The following DMXL1 variants were observed in gnomAD, a reference collection of about 807,000 sequenced individuals.
The protein encoded by DMXL1 is Dmx like 1.
DMXL1 carries 99 observed loss-of-function variants against 319.2 expected under a neutral mutation model. The observed-to-expected ratio is 0.31, with a 90% CI of 0.26 to 0.37. DMXL1 has a LOEUF of 0.37. Ranked by LOEUF, DMXL1 falls within the 10% of genes least tolerant of loss-of-function variation. The pLI is 1.00. For synonymous variants in DMXL1, 1,385 were observed against 1,235.2 expected (o/e 1.12, Z -2.54); for missense variants, 3,745 against 3,595.6 (o/e 1.04, Z -1.06).
chr5:119,232,122 A>G (rs1786859158), intron 38 of DMXL1, among the ~76,000 whole-genome samples: 1 of 152,142 alleles, frequency 6.6e-6, no homozygotes, highest in Non-Finnish European at 1.5e-5. Flanking sequence ...CTAGTACTAT[A>G]GGTGTGTGCC....
intron 10 of DMXL1, chr5:119,132,699 G>A (rs1765199284): frequency 4.3e-6 from 2 of 462,286 alleles, no homozygotes; most frequent in Admixed American, 5.5e-5. Flanking sequence ...AATGGAGCAA[G>A]TCCCTTTTCT....
At chr5:119,106,736 T>G (rs917181589) in intron 4 of DMXL1, among the ~76,000 whole-genome samples, 5 of 152,196 alleles carry the variant, frequency 3.3e-5, no homozygotes, top group African/African-American at 1.2e-4. Flanking sequence ...AGAGGTTGTA[T>G]TCTCATTAGT....
At position 119,143,919 on chromosome 5, in the gene DMXL1, A is replaced by G; in HGVS notation, c.2455A>G (p.Ile819Val). 1 of 1,572,776 alleles carries G rather than the reference A, an allele frequency of 6.4e-7. No individual in the cohort carries two copies. The highest frequency in any genetic ancestry group is 8.6e-7 in the Non-Finnish European group (1 of 1,160,550). ...RPGCIIALDP[I>V]TKLHGRKTQL... ...AGGATGCATTATTGCATTAGATCCC[A>G]TTACCAAACTTGTAAGTATTAATTT... Residue 819 changes from isoleucine (I) to valine (V), a missense_variant, in exon 14 of 44, where the codon ATT (isoleucine) becomes GTT (valine). Physicochemically the swap from Ile to Val is conservative, Grantham distance 29. Coordinates refer to ENST00000539542, the MANE Select transcript of DMXL1 (RefSeq NM_001290321.3).
At chr5:119,234,644 G>T (rs1324141226) in intron 39 of DMXL1, among the ~76,000 whole-genome samples, 2 of 152,126 alleles carry the variant, frequency 1.3e-5, no homozygotes, top group South Asian at 4.1e-4. Context: ...ACAGATGCCT[G>T]TATAATTCTA....
chr5:119,206,233 T>G (rs543011621), intron 33 of DMXL1, among the ~76,000 whole-genome samples: 60 of 152,208 alleles, frequency 3.9e-4, no homozygotes, highest in African/African-American at 1.2e-3. Context: ...TTTCTGTTTT[T>G]TTTTGTTTTG....
rs1781793262 is a variant in DMXL1, at chr5:119,206,630, G to A, written c.7864-204G>A. The A allele has an allele frequency of 1.0e-5, 4 of 393,206 alleles. No individual in the cohort carries two copies. In the East Asian group the frequency reaches 1.2e-4, roughly 12 times the overall value. The allele number at this position is 393,206 out of a possible 1,614,324, so 24.4% of individuals were successfully genotyped here. On this transcript the variant is annotated intron_variant, in intron 33 of 43. Coordinates refer to ENST00000539542, the MANE Select transcript of DMXL1 (RefSeq NM_001290321.3). Reference sequence around the variant, plus strand: ...TATAGTGGTAGTTAATGAGTTCTGAGGGATTAAGTTTTGCTCATTTCCTAA... The same window carrying A: ...TATAGTGGTAGTTAATGAGTTCTGAAGGATTAAGTTTTGCTCATTTCCTAA...
chr5:119,104,180 G>A (rs1263447725), intron 3 of DMXL1: 2 of 152,144 alleles, frequency 1.3e-5, no homozygotes. Flanking sequence ...AACTACCATT[G>A]GATACATGTG....
intron 37 of DMXL1, among the ~76,000 whole-genome samples, chr5:119,222,307 T>C (rs1784785218): frequency 1.3e-5 from 2 of 152,190 alleles, no homozygotes; most frequent in African/African-American, 4.8e-5. Flanking sequence ...TAAAGCCCTC[T>C]GTTCTCCTTA....
At chr5:119,087,524 A>G (rs1252868179) in intron 1 of DMXL1, among the ~76,000 whole-genome samples, 2 of 152,090 alleles carry the variant, frequency 1.3e-5, no homozygotes, top group Non-Finnish European at 2.9e-5. Flanking sequence ...AAGGTACTTG[A>G]TATAATTTCT....
intron 1 of DMXL1, among the ~76,000 whole-genome samples, chr5:119,086,151 G>A (rs907245651): frequency 6.6e-6 from 1 of 152,174 alleles, no homozygotes; most frequent in Admixed American, 6.5e-5. Context: ...GCAATGGCAA[G>A]AGAGAGAATG....
At chr5:119,121,588 A>C (rs1191437909) in intron 9 of DMXL1, among the ~76,000 whole-genome samples, 4 of 152,114 alleles carry the variant, frequency 2.6e-5, no homozygotes, top group African/African-American at 7.2e-5. Context: ...CAGAGAGCAC[A>C]GGGTTGGGGG....
At chr5:119,179,868 T>C (rs1215095161) in intron 28 of DMXL1, among the ~76,000 whole-genome samples, 1 of 152,182 alleles carries the variant, frequency 6.6e-6, no homozygotes, top group African/African-American at 2.4e-5. Flanking sequence ...GTATAATACT[T>C]ACCATGAGGC....
chr5:119,156,955 G>A (rs1771223982), intron 19 of DMXL1, among the ~76,000 whole-genome samples: 1 of 149,832 alleles, frequency 6.7e-6, no homozygotes, highest in African/African-American at 2.4e-5. Context: ...TCATTTATCT[G>A]TTGGACATTC....
rs186627593 is a variant in DMXL1, at chr5:119,175,950, C to G, written c.6758+613C>G. Among the ~76,000 whole-genome samples the G allele has an allele frequency of 1.7e-3, 262 of 152,144 alleles. 1 individual carries two copies. Among genetic ancestry groups the G allele is most frequent in the Middle Eastern group, 0.014 (4 of 294 alleles). On this transcript the variant is annotated intron_variant, in intron 26 of 43. Transcript: ENST00000539542. ...TATTTCTTCAAGTATTGTCTCATCT[C>G]TCTTCTATCTTTCCTATTAAACAGA...
chr5:119,233,008 A>G (rs1787066290), intron 38 of DMXL1, among the ~76,000 whole-genome samples: 1 of 151,840 alleles, frequency 6.6e-6, no homozygotes, highest in South Asian at 2.1e-4. Context: ...ATTCTAACCT[A>G]AGAATTTCTT....
chr5:119,107,063 A>G (rs1031185770), intron 4 of DMXL1, among the ~76,000 whole-genome samples: 1 of 152,206 alleles, frequency 6.6e-6, no homozygotes, highest in African/African-American at 2.4e-5. Flanking sequence ...GGGGCTGGGC[A>G]CGGTGGTTCA....
chr5:119,112,214 G>C (rs1465008034), intron 5 of DMXL1, among the ~76,000 whole-genome samples: 2 of 152,206 alleles, frequency 1.3e-5, no homozygotes, highest in Non-Finnish European at 2.9e-5. Flanking sequence ...GCCTGCCTCA[G>C]CCTCCCCAAG....
chr5:119,102,042 A>G (rs756130547), intron 3 of DMXL1, 36 bp downstream of exon 3: 1 of 1,362,694 alleles, frequency 7.3e-7, no homozygotes, highest in South Asian at 1.3e-5. Context: ...TAGGAATTGA[A>G]ATGTTTTAAG....
At chr5:119,245,318 T>TAAGC (rs1446984054) in intron 43 of DMXL1, among the ~76,000 whole-genome samples, 2 of 152,198 alleles carry the variant, frequency 1.3e-5, no homozygotes, top group African/African-American at 4.8e-5. Context: ...TTTATTAATT[T>TAAGC]AAGCACTTAC....
Sources: gnomAD v4.1 joint callset for allele counts (sites outside exome capture counted in the v4.1 genomes callset) on GRCh38, gnomAD v4.1.1 for gene constraint, MANE v1.5 for transcripts, NCBI Gene and HGNC (gene_info 2026-07-23, HGNC 2026-07-21) for gene names.